The following ATP4B variants were observed in gnomAD, a reference collection of about 807,000 sequenced individuals.
ATP4B encodes the protein ATPase H+/K+ transporting subunit beta, also known as potassium-transporting ATPase subunit beta.
A neutral mutation model predicts 35.3 loss-of-function variants in ATP4B; 27 were observed. The observed-to-expected ratio is 0.76, with a 90% CI of 0.56 to 1.05. The LOEUF is 1.05. Ranked by LOEUF, ATP4B falls within the 50% of genes least tolerant of loss-of-function variation. ATP4B has a pLI of 0.00. For missense variants in ATP4B, 375 were observed against 384.8 expected (o/e 0.97, Z 0.21); for synonymous variants, 162 against 156.0 (o/e 1.04, Z -0.29).
Position 113,651,680 on chromosome 13 carries a change from G to A in ATP4B, c.603C>T (p.Cys201=), listed in dbSNP as rs752914990. 1.3e-5 allele frequency: 21 copies of A among 1,612,998 alleles called. No homozygotes were observed. In the African/African-American group the frequency reaches 1.5e-4, roughly 11 times the overall value. The change falls in exon 5 of 7, where the codon TGC becomes TGT. Residue 201 remains cysteine, a synonymous_variant. Transcript: ENST00000335288. ...PSNGSAPRVD[C]AFLDQPRELG... Reference sequence around the variant, plus strand: ...GCGCGGCCGTACTCACCAGGAAGGCGCAGTCCACTCTGGGGGCCGAGCCGT... The same window carrying A: ...GCGCGGCCGTACTCACCAGGAAGGCACAGTCCACTCTGGGGGCCGAGCCGT...
rs534016436 is a variant in ATP4B at position 113,656,726 on chromosome 13, C to G, written c.112+1307G>C. Among the ~76,000 whole-genome samples, 5 of 152,192 alleles carry G rather than the reference C, an allele frequency of 3.3e-5. No individual in the cohort carries two copies. The South Asian group carries it at 1.0e-3, about 32-fold the overall frequency. Reference sequence around the variant, plus strand: ...ACTTGAGTTGTGTTTTCCTGGGGCCCTAAGACTTTCTTATCCCAAACGGAG... The same window carrying G: ...ACTTGAGTTGTGTTTTCCTGGGGCCGTAAGACTTTCTTATCCCAAACGGAG... On this transcript the variant is annotated intron_variant, in intron 1 of 6. Transcript: ENST00000335288.
chr13:113,656,852 A>G (rs976286486), intron 1 of ATP4B, among the ~76,000 whole-genome samples: 1 of 152,052 alleles, frequency 6.6e-6, no homozygotes, highest in Admixed American at 6.6e-5. Flanking sequence ...AGAATGGCCC[A>G]AAAGATGGGG....
intron 1 of ATP4B, 65 bp downstream of exon 1, chr13:113,657,968 C>T: frequency 7.3e-7 from 1 of 1,360,806 alleles, no homozygotes; most frequent in Non-Finnish European, 1.0e-6. Flanking sequence ...CCTGAGCTCA[C>T]CTGGAGGCTG....
At chr13:113,655,000 C>T (rs1219424600) in intron 1 of ATP4B, 58 bp from the exon 2 acceptor site, 19 of 1,604,188 alleles carry the variant, frequency 1.2e-5, no homozygotes, top group African/African-American at 2.7e-5. Context: ...GCACACAATT[C>T]GGTGGCCTTG....
Position 113,653,336 on chromosome 13 carries a change from GGA to G in ATP4B, c.338_339del (p.Leu113ProfsTer60). The G allele has an allele frequency of 6.2e-7, 1 of 1,613,680 alleles. No homozygotes were observed. The highest frequency in any genetic ancestry group is 8.5e-7 in the Non-Finnish European group (1 of 1,179,782). ...NRTWADLTQT[L>X]HAFLAGYSPA... ...CACACCTCACCTGCTAGGAAGGCGTGGAGAGTCTGTGTGAGGTCTGCCCAGGT... is the reference window on the plus strand; with the variant it reads ...CACACCTCACCTGCTAGGAAGGCGTGGAGTCTGTGTGAGGTCTGCCCAGGT... On this transcript the variant is annotated frameshift_variant, in exon 3 of 7. Transcript: ENST00000335288. LOFTEE classifies it high-confidence loss of function.
intron 3 of ATP4B, 48 bp from the exon 4 acceptor site, chr13:113,653,120 C>T: frequency 6.4e-7 from 1 of 1,572,280 alleles, no homozygotes; most frequent in Non-Finnish European, 8.6e-7. Flanking sequence ...GGCCCTGACG[C>T]CTGGCTGCCC....
chr13:113,655,067 TC>T (rs2049743446), intron 1 of ATP4B, 125 bp from the exon 2 acceptor site: 1 of 1,335,272 alleles, frequency 7.5e-7, no homozygotes. Context: ...AACATTCTCC[TC>T]CCCCAAAACA....
intron 2 of ATP4B, among the ~76,000 whole-genome samples, chr13:113,653,676 G>A (rs1005334371): frequency 6.6e-6 from 1 of 152,204 alleles, no homozygotes; most frequent in African/African-American, 2.4e-5. Flanking sequence ...GGGGGGTGGG[G>A]GGTGGCTGGC....
chr13:113,656,716 T>A (rs759999975), intron 1 of ATP4B, among the ~76,000 whole-genome samples: 5 of 152,160 alleles, frequency 3.3e-5, no homozygotes, highest in Non-Finnish European at 5.9e-5. Context: ...AGTTGTGTTT[T>A]CCTGGGGCCC....
rs371945841 is a variant in ATP4B, at chr13:113,650,557, G to A, written c.613-50C>T. ...AGTCAGGCGGGAGCTGGTGTGTGCC[G>A]GTGTCTGTGTGTTGCGTTTGTGTGC... On this transcript the variant is annotated intron_variant, in intron 5 of 6. Coordinates refer to ENST00000335288, the MANE Select transcript of ATP4B (RefSeq NM_000705.4). The surrounding 1 kb of genome is among the most constrained non-coding windows in gnomAD (Gnocchi z 5.0). The A allele has an allele frequency of 1.5e-5, 22 of 1,490,976 alleles. No individual in the cohort carries two copies. The African/African-American group carries it at 2.1e-4, about 14-fold the overall frequency. 92.4% of individuals were successfully genotyped at this position (1,490,976 alleles called of 1,614,324 possible).
Position 113,649,339 on chromosome 13 carries a change from C to G in ATP4B, c.*35G>C. The G allele has an allele frequency of 6.4e-7, 1 of 1,568,910 alleles. No individual in the cohort carries two copies. The highest frequency in any genetic ancestry group is 8.7e-7 in the Non-Finnish European group (1 of 1,155,752). On this transcript the variant is annotated 3_prime_UTR_variant, in exon 7 of 7. Coordinates refer to ENST00000335288, the MANE Select transcript of ATP4B (RefSeq NM_000705.4). The surrounding 1 kb of genome is among the most constrained non-coding windows in gnomAD (Gnocchi z 4.7). ...ACCAGGAGGGTGTCCTTGAGCGACC[C>G]CGCAGGCGTGCCCAGGACCCCTGCG...
intron 2 of ATP4B, among the ~76,000 whole-genome samples, chr13:113,653,743 T>C (rs1848314742): frequency 6.6e-6 from 1 of 152,244 alleles, no homozygotes; most frequent in African/African-American, 2.4e-5. Flanking sequence ...AGGCTGCACC[T>C]GGGTTTCTAT....
In ATP4B at chr13:113,655,716, G is replaced by A. The variant is rs74116276; in HGVS notation, c.113-774C>T. ...AAGAGGACGGTTTTGTGTTTGCTAC[G>A]GCTTTTGTCTTTCTGGAAAGTCTGT... On this transcript the variant is annotated intron_variant, in intron 1 of 6. Coordinates refer to ENST00000335288, the MANE Select transcript of ATP4B (RefSeq NM_000705.4). Among the ~76,000 whole-genome samples the A allele has an allele frequency of 1.9e-3, 297 of 152,316 alleles. 2 individuals are homozygous for A. Among genetic ancestry groups the A allele is most frequent in the African/African-American group, 6.8e-3 (282 of 41,554 alleles).
chr13:113,656,307 C>T (rs561990724), intron 1 of ATP4B, among the ~76,000 whole-genome samples: 6 of 152,194 alleles, frequency 3.9e-5, no homozygotes, highest in South Asian at 2.1e-4. Flanking sequence ...TCTGTTCCCC[C>T]GCTGTGGGTC....
At chr13:113,652,809 G>A (rs775226881) in intron 4 of ATP4B, 64 bp downstream of exon 4, 1 of 1,564,034 alleles carries the variant, frequency 6.4e-7, no homozygotes, top group African/African-American at 1.4e-5. Flanking sequence ...CTCGTGGTGG[G>A]TGTGGGTGAG....
At chr13:113,656,467 C>T (rs2140705958) in intron 1 of ATP4B, among the ~76,000 whole-genome samples, 1 of 152,334 alleles carries the variant, frequency 6.6e-6, no homozygotes, top group African/African-American at 2.4e-5. Flanking sequence ...GTTGGCCAGG[C>T]TGGGCCCAGG....
At position 113,653,354 on chromosome 13, in the gene ATP4B, C is replaced by A; in HGVS notation, c.322G>T (p.Asp108Tyr). The A allele has an allele frequency of 6.2e-7, 1 of 1,614,156 alleles. No homozygotes were observed. Among genetic ancestry groups the A allele is most frequent in the Non-Finnish European group, 8.5e-7 (1 of 1,180,032 alleles). Residue 108 changes from aspartate to tyrosine, a missense_variant, in exon 3 of 7, where the codon GAC becomes TAC. Transcript: ENST00000335288. ...AAGGCGTGGAGAGTCTGTGTGAGGTCTGCCCAGGTTCTGTTATCAGAGACG... is the reference window on the plus strand; with the variant it reads ...AAGGCGTGGAGAGTCTGTGTGAGGTATGCCCAGGTTCTGTTATCAGAGACG... ...YNVSDNRTWA[D>Y]LTQTLHAFLA...
At chr13:113,654,740 C>A (rs916355058) in intron 2 of ATP4B, 74 bp downstream of exon 2, 2 of 1,534,358 alleles carry the variant, frequency 1.3e-6, no homozygotes, top group East Asian at 2.4e-5. Flanking sequence ...ACGGGTCCCC[C>A]GGGCGTCTCC....
At position 113,649,580 on chromosome 13, in the gene ATP4B, A is replaced by G; in HGVS notation, c.715-45T>C. 1 of 1,449,520 alleles carries G rather than the reference A, an allele frequency of 6.9e-7. No homozygotes were observed. The highest frequency in any genetic ancestry group is 9.1e-7 in the Non-Finnish European group (1 of 1,097,320). The allele number at this position is 1,449,520 out of a possible 1,614,324, so 89.8% of individuals were successfully genotyped here. A position where few individuals can be genotyped will look rare whatever the true frequency, so the allele number is the denominator to read the frequency against. ...AGGACAGGTGTTTCAAAAATCTCTG[A>G]AGTTAAGGAGAGAAAACTAAGCAAG... On this transcript the variant is annotated intron_variant, in intron 6 of 6. Transcript: ENST00000335288. The surrounding 1 kb of genome is among the most constrained non-coding windows in gnomAD (Gnocchi z 4.7).
Sources: gnomAD v4.1 joint callset for allele counts (sites outside exome capture counted in the v4.1 genomes callset) on GRCh38, gnomAD v4.1.1 for gene constraint, Gnocchi (gnomAD v3.1) non-coding constraint, MANE v1.5 for transcripts, NCBI Gene and HGNC (gene_info 2026-07-23, HGNC 2026-07-21) for gene names.